Variants in HPSE2 observed in about 807,000 individuals in gnomAD.
The protein encoded by HPSE2 is heparanase 2 (inactive), also known as inactive heparanase-2.
A neutral mutation model predicts 60.5 loss-of-function variants in HPSE2; 38 were observed. That is an observed-to-expected ratio of 0.63 (90% confidence interval 0.48 to 0.82). The LOEUF is 0.82. HPSE2 is among the 40% of genes least tolerant of loss of function. HPSE2 has a pLI of 0.00. For synonymous variants in HPSE2, 295 were observed against 293.2 expected (o/e 1.01, Z -0.06); for missense variants, 713 against 740.4 (o/e 0.96, Z 0.43).
intron 3 of HPSE2, among the ~76,000 whole-genome samples, chr10:98,798,380 T>A (rs1004819831): frequency 9.2e-5 from 14 of 152,104 alleles, no homozygotes; most frequent in Non-Finnish European, 1.5e-4. Context: ...GAAGAAATCA[T>A]TGAAAGGTAC....
In HPSE2 at chr10:98,644,413, T is replaced by G. The variant is rs191374575; in HGVS notation, c.1005-2473A>C. Among the ~76,000 whole-genome samples, 564 of 152,148 alleles carry G rather than the reference T, an allele frequency of 3.7e-3. 4 individuals carry two copies. Among genetic ancestry groups the G allele is most frequent in the African/African-American group, 0.013 (545 of 41,506 alleles). ...AGAGCATGCTATCCGCTGTAGAACTTGGAGTGAGGAAAGTGTAGAGCAGCA... is the reference window on the plus strand; with the variant it reads ...AGAGCATGCTATCCGCTGTAGAACTGGGAGTGAGGAAAGTGTAGAGCAGCA... On this transcript the variant is annotated intron_variant, in intron 6 of 11. Transcript: ENST00000370552.
At chr10:98,881,646 A>G (rs1224703145) in intron 3 of HPSE2, among the ~76,000 whole-genome samples, 1 of 152,092 alleles carries the variant, frequency 6.6e-6, no homozygotes, top group African/African-American at 2.4e-5. Context: ...TAGACCATAT[A>G]TAACTATTGC....
chr10:98,779,450 G>A (rs10883201), intron 3 of HPSE2, among the ~76,000 whole-genome samples: 107,586 of 151,936 alleles, frequency 0.71, 39,121 homozygotes, highest in Non-Finnish European at 0.81. Flanking sequence ...CAAATGAGGA[G>A]AGGTACCACT....
chr10:99,264,463 G>A, the HPSE2 span, among the ~76,000 whole-genome samples: 1 of 151,824 alleles, frequency 6.6e-6, no homozygotes, highest in Admixed American at 6.6e-5. Context: ...AATCACCAAG[G>A]CCCTGACTTA....
chr10:98,651,242 T>G (rs1201804881), intron 6 of HPSE2, among the ~76,000 whole-genome samples: 1 of 152,168 alleles, frequency 6.6e-6, no homozygotes, highest in Non-Finnish European at 1.5e-5. Flanking sequence ...TTATTTACCA[T>G]GATATATGTG....
chr10:98,977,890 A>T (rs541314763), intron 3 of HPSE2, among the ~76,000 whole-genome samples: 1 of 151,506 alleles, frequency 6.6e-6, no homozygotes, highest in Admixed American at 6.6e-5. Flanking sequence ...ATGTATATAA[A>T]TTATATACTA....
intron 5 of HPSE2, among the ~76,000 whole-genome samples, chr10:98,711,851 C>T (rs898057084): frequency 1.3e-5 from 2 of 152,088 alleles, no homozygotes; most frequent in Non-Finnish European, 2.9e-5. Flanking sequence ...TATTTGAGGT[C>T]TTTATTCAAA....
At chr10:98,729,531 C>G (rs1271640725) in intron 4 of HPSE2, among the ~76,000 whole-genome samples, 1 of 152,046 alleles carries the variant, frequency 6.6e-6, no homozygotes, top group Non-Finnish European at 1.5e-5. Context: ...ATGGCGTGAA[C>G]CTGATAGGTG....
intron 3 of HPSE2, among the ~76,000 whole-genome samples, chr10:99,079,415 G>A (rs904241311): frequency 6.6e-6 from 1 of 152,052 alleles, no homozygotes; most frequent in Non-Finnish European, 1.5e-5. Context: ...ACTCTGAGCA[G>A]GCAAGACAGA....
intron 3 of HPSE2, among the ~76,000 whole-genome samples, chr10:98,908,030 C>A (rs962541283): frequency 1.3e-5 from 2 of 152,118 alleles, no homozygotes; most frequent in Admixed American, 6.5e-5. Flanking sequence ...GCAAAACATA[C>A]CCAAGATACC....
intron 2 of HPSE2, among the ~76,000 whole-genome samples, chr10:99,218,288 A>G (rs1339784426): frequency 2.0e-5 from 3 of 150,812 alleles, no homozygotes; most frequent in Non-Finnish European, 4.5e-5. Context: ...AATGTCAGGT[A>G]AGGGGCAAGG....
chr10:99,240,658 C>T (rs1194739169), upstream of HPSE2, among the ~76,000 whole-genome samples: 2 of 152,054 alleles, frequency 1.3e-5, no homozygotes, highest in Admixed American at 6.5e-5. Flanking sequence ...GCGATCTGCC[C>T]GCCTCGGCTT....
At chr10:99,084,667 AC>A (rs1436594606) in intron 3 of HPSE2, among the ~76,000 whole-genome samples, 2 of 152,116 alleles carry the variant, frequency 1.3e-5, no homozygotes, top group African/African-American at 4.8e-5. Flanking sequence ...AAGGCACAAA[AC>A]TCTAAAAGGC....
intron 4 of HPSE2, among the ~76,000 whole-genome samples, chr10:98,723,887 C>G (rs1190531222): frequency 1.3e-5 from 2 of 152,038 alleles, no homozygotes; most frequent in Non-Finnish European, 2.9e-5. Flanking sequence ...AGCGGTCTAT[C>G]AATTTTGTTG....
chr10:98,852,900 CCTT>C (rs1292557979), intron 3 of HPSE2, among the ~76,000 whole-genome samples: 6 of 152,328 alleles, frequency 3.9e-5, no homozygotes, highest in South Asian at 2.1e-4. Context: ...GGCTTGCTGA[CCTT>C]CTTGAACAAG....
chr10:98,510,761 G>A (rs186975294), intron 9 of HPSE2, among the ~76,000 whole-genome samples: 1 of 152,326 alleles, frequency 6.6e-6, no homozygotes, highest in African/African-American at 2.4e-5. Context: ...GCAGCCTGGG[G>A]GAATGCAAAG....
At chr10:98,746,977 A>T (rs1383756306) in intron 3 of HPSE2, among the ~76,000 whole-genome samples, 3 of 152,050 alleles carry the variant, frequency 2.0e-5, no homozygotes, top group Admixed American at 6.6e-5. Context: ...ATAATTATAT[A>T]TCTACAACTC....
chr10:99,225,170 C>A (rs1849432664), intron 2 of HPSE2, among the ~76,000 whole-genome samples: 1 of 152,122 alleles, frequency 6.6e-6, no homozygotes, highest in Non-Finnish European at 1.5e-5. Context: ...CAGGTGATTA[C>A]TGACACTTTT....
intron 5 of HPSE2, among the ~76,000 whole-genome samples, chr10:98,719,141 C>T (rs939780607): frequency 2.0e-5 from 3 of 152,062 alleles, no homozygotes; most frequent in African/African-American, 7.2e-5. Flanking sequence ...TTCATAATTA[C>T]AATTATGCAT....
Sources: allele counts gnomAD v4.1 joint callset (sites outside exome capture counted in the v4.1 genomes callset), GRCh38; gene constraint gnomAD v4.1.1; transcripts MANE v1.5; gene names NCBI Gene and HGNC (gene_info 2026-07-23, HGNC 2026-07-21).